DAPL1: variants seen among roughly 807,000 people sequenced by gnomAD.
DAPL1 encodes death associated protein like 1.
A neutral mutation model predicts 12.9 loss-of-function variants in DAPL1; 17 were observed. The ratio of observed to expected loss-of-function variants is 1.32; its 90% CI spans 0.90 to 1.98. The LOEUF (loss-of-function observed/expected upper bound fraction) is 1.98. DAPL1 is among the 30% of genes most tolerant of loss of function. The pLI is 0.00. For synonymous variants in DAPL1, 51 were observed against 42.0 expected, an observed-to-expected ratio of 1.21 and a Z score of -0.82; for missense variants, 157 against 125.7, an observed-to-expected ratio of 1.25 and a Z score of -1.19.
chr2:158,808,661 C>T (rs1306070242), intron 3 of DAPL1, among the ~76,000 whole-genome samples: 1 of 152,182 alleles, frequency 6.6e-6, no homozygotes, highest in Non-Finnish European at 1.5e-5. Context: ...TTCCTGGCTT[C>T]AGAGGCAGGG....
intron 3 of DAPL1, among the ~76,000 whole-genome samples, chr2:158,810,254 A>G (rs1363889187): frequency 6.6e-6 from 1 of 152,216 alleles, no homozygotes; most frequent in Non-Finnish European, 1.5e-5. Flanking sequence ...TTCCTGCACT[A>G]CAATGATTCT....
At chr2:158,808,121 C>A (rs1424071492) in intron 3 of DAPL1, among the ~76,000 whole-genome samples, 1 of 152,154 alleles carries the variant, frequency 6.6e-6, no homozygotes, top group South Asian at 2.1e-4. Flanking sequence ...TAATATAGAG[C>A]CACTCTTTCT....
chr2:158,804,145 T>C, intron 1 of DAPL1, 137 bp from the exon 2 acceptor site: 1 of 580,216 alleles, frequency 1.7e-6, no homozygotes, highest in South Asian at 2.9e-5. Context: ...TTTTTTATTG[T>C]GTTGTTTTAT....
At chr2:158,809,374 A>AAAAAAAAAAAT (rs2059218575) in intron 3 of DAPL1, among the ~76,000 whole-genome samples, 1 of 149,070 alleles carries the variant, frequency 6.7e-6, no homozygotes, top group African/African-American at 2.5e-5. Flanking sequence ...AAAAAGAAAT[A>AAAAAAAAAAAT]TTTTTAACAG....
intron 3 of DAPL1, among the ~76,000 whole-genome samples, chr2:158,812,511 A>G (rs1324216870): frequency 6.6e-6 from 1 of 152,218 alleles, no homozygotes; most frequent in African/African-American, 2.4e-5. Flanking sequence ...TTGCCATATC[A>G]GGCTGGACGC....
Position 158,795,330 on chromosome 2 carries a change from A to G in DAPL1, c.-43A>G, listed in dbSNP as rs1011275577. 1.9e-6 allele frequency: 3 copies of G among 1,550,748 alleles called. No homozygotes were observed. The highest frequency in any genetic ancestry group is 2.7e-5 in the African/African-American group (2 of 73,052). On this transcript the variant is annotated 5_prime_UTR_variant, in exon 1 of 4. Coordinates refer to ENST00000309950, the MANE Select transcript of DAPL1 (RefSeq NM_001017920.3). ...GGTGGGGCAGCCACAGCTGGCATTC[A>G]GCCTCCAGAGCACCAGCACTGGCAC... is the stretch of plus-strand genomic sequence containing the variant.
chr2:158,804,187 A>T, intron 1 of DAPL1, 95 bp from the exon 2 acceptor site: 1 of 824,336 alleles, frequency 1.2e-6, no homozygotes. Context: ...AAATAAGTTC[A>T]AAAATTATTT....
intron 3 of DAPL1, among the ~76,000 whole-genome samples, chr2:158,809,765 C>T (rs1333147826): frequency 6.6e-6 from 1 of 152,182 alleles, no homozygotes; most frequent in Non-Finnish European, 1.5e-5. Flanking sequence ...AAGCGTAAGG[C>T]ACCAGCAACA....
chr2:158,801,232 G>A (rs1294683656), intron 1 of DAPL1, among the ~76,000 whole-genome samples: 2 of 152,166 alleles, frequency 1.3e-5, no homozygotes, highest in Non-Finnish European at 1.5e-5. Context: ...AGGAATAATA[G>A]CATCAGGGAA....
intron 3 of DAPL1, among the ~76,000 whole-genome samples, chr2:158,814,774 G>A (rs1413561355): frequency 1.3e-5 from 2 of 152,150 alleles, no homozygotes; most frequent in Non-Finnish European, 1.5e-5. Flanking sequence ...CCAAGGCAAG[G>A]GCATCTAAGT....
chr2:158,800,363 A>G (rs1287848936), intron 1 of DAPL1, among the ~76,000 whole-genome samples: 2 of 152,210 alleles, frequency 1.3e-5, no homozygotes, highest in African/African-American at 4.8e-5. Flanking sequence ...AAGTAGCCAG[A>G]CTGTACCTTT....
In DAPL1 at chr2:158,795,369, C is replaced by A; in HGVS notation, c.-4C>A. ...CAGCACTGGCACTGGCACTGGCACA[C>A]GCTATGGCAAATGAAGTGCAAGACC... is the stretch of plus-strand genomic sequence containing the variant. On this transcript the variant is annotated 5_prime_UTR_variant, in exon 1 of 4. Transcript: ENST00000309950. The A allele has an allele frequency of 6.4e-7, 1 of 1,554,466 alleles. No homozygotes were observed. Among genetic ancestry groups the A allele is most frequent in the Non-Finnish European group, 8.7e-7 (1 of 1,148,538 alleles).
intron 1 of DAPL1, among the ~76,000 whole-genome samples, chr2:158,797,316 G>C (rs1203663157): frequency 6.6e-6 from 1 of 152,096 alleles, no homozygotes. Flanking sequence ...TAAAGTATCT[G>C]GCACCTGAAT....
intron 3 of DAPL1, among the ~76,000 whole-genome samples, chr2:158,811,689 A>G (rs1348766702): frequency 6.6e-6 from 1 of 152,202 alleles, no homozygotes; most frequent in African/African-American, 2.4e-5. Context: ...ATCCTTGTAC[A>G]TATACTGGCT....
intron 1 of DAPL1, among the ~76,000 whole-genome samples, chr2:158,801,707 G>A (rs2059168961): frequency 6.6e-6 from 1 of 152,042 alleles, no homozygotes; most frequent in Non-Finnish European, 1.5e-5. Flanking sequence ...TTCCATGAAT[G>A]CAGGAATGGT....
Position 158,800,992 on chromosome 2 carries a change from GC to G in DAPL1, c.59-3288del. Among the ~76,000 whole-genome samples, 2 of 152,122 alleles carry G rather than the reference GC, an allele frequency of 1.3e-5. 1 individual carries two copies. Among genetic ancestry groups the G allele is most frequent in the South Asian group, 4.1e-4 (2 of 4,820 alleles). Reference sequence around the variant, plus strand: ...ATAGTGGCTGGGACTACCGGCAATCGCCACCACACCCAGCTAATTTTTGTAT... The same window carrying G: ...ATAGTGGCTGGGACTACCGGCAATCGCACCACACCCAGCTAATTTTTGTAT... On this transcript the variant is annotated intron_variant, in intron 1 of 3. Coordinates refer to ENST00000309950, the MANE Select transcript of DAPL1 (RefSeq NM_001017920.3).
intron 2 of DAPL1, among the ~76,000 whole-genome samples, chr2:158,806,612 A>G (rs1000638285): frequency 2.6e-5 from 4 of 152,116 alleles, no homozygotes; most frequent in Admixed American, 6.6e-5. Flanking sequence ...AGGCGAGTGG[A>G]TCACCTGAGG....
At position 158,807,121 on chromosome 2, in the gene DAPL1, C is replaced by T; in HGVS notation, c.207+6C>T. On this transcript the variant is annotated splice_donor_region_variant and intron_variant, in intron 3 of 3. Coordinates refer to ENST00000309950, the MANE Select transcript of DAPL1 (RefSeq NM_001017920.3). ...TGAATGACGCACTGGAGAAGGTGAG[C>T]CGTGGGCAAATCACATAGCGCTCCA... 3 of 1,604,772 alleles carry T rather than the reference C, an allele frequency of 1.9e-6. No individual in the cohort carries two copies. Among genetic ancestry groups the T allele is most frequent in the South Asian group, 2.2e-5 (2 of 89,816 alleles).
intron 2 of DAPL1, among the ~76,000 whole-genome samples, chr2:158,806,705 G>A (rs1283995847): frequency 2.6e-5 from 4 of 151,872 alleles, no homozygotes; most frequent in East Asian, 1.9e-4. Context: ...GCATGGTGGT[G>A]CATGCCTGTA....
Sources: allele counts gnomAD v4.1 joint callset (sites outside exome capture counted in the v4.1 genomes callset), GRCh38; gene constraint gnomAD v4.1.1; transcripts MANE v1.5; gene names NCBI Gene and HGNC (gene_info 2026-07-23, HGNC 2026-07-21).